The following ACOT12 variants were observed in gnomAD, a reference collection of about 807,000 sequenced individuals.
ACOT12 encodes the protein acyl-CoA thioesterase 12.
Under a neutral mutation model 67.7 loss-of-function variants are expected in ACOT12, and 51 were observed. The ratio of observed to expected loss-of-function variants is 0.75; its 90% CI spans 0.60 to 0.95. The LOEUF (loss-of-function observed/expected upper bound fraction) is 0.95, where lower values mean the gene tolerates loss of function less well. Among genes scored for constraint, ACOT12 ranks in the 40% least tolerant of loss-of-function variants. The pLI, the probability that ACOT12 is intolerant of heterozygous loss-of-function variation, is 0.00. For synonymous variants in ACOT12, 251 were observed against 244.6 expected, an observed-to-expected ratio of 1.03 and a Z score of -0.24; for missense variants, 734 against 708.1, an observed-to-expected ratio of 1.04 and a Z score of -0.41.
the ACOT12 span, among the ~76,000 whole-genome samples, chr5:81,319,571 G>A: frequency 6.6e-6 from 1 of 152,130 alleles, no homozygotes; most frequent in Non-Finnish European, 1.5e-5. Context: ...TACAAAATTA[G>A]CTGGGCGTTG....
At chr5:81,393,928 G>C in intron 1 of ACOT12, 60 bp downstream of exon 1, 2 of 1,272,638 alleles carry the variant, frequency 1.6e-6, no homozygotes, top group Non-Finnish European at 2.0e-6. Context: ...CCAGCCCCCA[G>C]CCGCCGCCGC....
At chr5:81,353,958 C>A (rs981502643) in intron 5 of ACOT12, among the ~76,000 whole-genome samples, 7 of 152,202 alleles carry the variant, frequency 4.6e-5, no homozygotes, top group African/African-American at 1.4e-4. Context: ...TCCATCTGAT[C>A]TAAGGAGCAG....
intron 2 of ACOT12, among the ~76,000 whole-genome samples, chr5:81,379,757 A>G (rs1459966857): frequency 6.6e-6 from 1 of 152,182 alleles, no homozygotes; most frequent in Non-Finnish European, 1.5e-5. Context: ...GTTCAGATAT[A>G]CATATCTCAC....
At chr5:81,367,031 T>C (rs1412875219) in intron 3 of ACOT12, among the ~76,000 whole-genome samples, 2 of 152,144 alleles carry the variant, frequency 1.3e-5, no homozygotes, top group African/African-American at 4.8e-5. Flanking sequence ...AATCCATAGA[T>C]CCAGTAGCTC....
chr5:81,356,129 A>G (rs1759705490), intron 5 of ACOT12, among the ~76,000 whole-genome samples: 1 of 152,098 alleles, frequency 6.6e-6, no homozygotes, highest in Non-Finnish European at 1.5e-5. Flanking sequence ...TGTATATGAC[A>G]TAAAGGTTAT....
rs977828816 is a variant in ACOT12, at chr5:81,343,197, C to CA, written c.1045-443dup. Among the ~76,000 whole-genome samples the CA allele has an allele frequency of 6.6e-3, 928 of 140,560 alleles. 7 individuals carry two copies. The highest frequency in any genetic ancestry group is 0.022 in the African/African-American group (826 of 38,398). The allele number at this position is 140,560 out of a possible 152,430, so 92.2% of individuals were successfully genotyped here. On this transcript the variant is annotated intron_variant, in intron 10 of 14. Transcript: ENST00000307624. ...GTGAGACTCTGTCTCAAAAAAATACCAAAAAAAAACCCAACAAAAACAAAA... is the reference window on the plus strand; with the variant it reads ...GTGAGACTCTGTCTCAAAAAAATACCAAAAAAAAAACCCAACAAAAACAAAA...
At chr5:81,342,346 T>C (rs1759222957) in intron 11 of ACOT12, among the ~76,000 whole-genome samples, 1 of 152,112 alleles carries the variant, frequency 6.6e-6, no homozygotes, top group South Asian at 2.1e-4. Flanking sequence ...AGTCCTTAAG[T>C]CAAGTGTGGC....
chr5:81,308,888 T>A, the ACOT12 span: 2 of 1,483,120 alleles, frequency 1.3e-6, no homozygotes, highest in African/African-American at 1.4e-5. Flanking sequence ...AAAATAATGT[T>A]AATTTTATGA....
intron 11 of ACOT12, among the ~76,000 whole-genome samples, chr5:81,341,191 TA>T (rs957911893): frequency 1.2e-4 from 18 of 152,224 alleles, no homozygotes; most frequent in African/African-American, 4.3e-4. Flanking sequence ...TTATGAAAGA[TA>T]AACAAATGCA....
chr5:81,350,730 A>G (rs1362360206), intron 5 of ACOT12, among the ~76,000 whole-genome samples: 2 of 152,204 alleles, frequency 1.3e-5, no homozygotes, highest in African/African-American at 4.8e-5. Context: ...CCAAATCTTC[A>G]TGAGGATGCA....
rs1758998587 is a variant in ACOT12 at position 81,336,236 on chromosome 5, A to G, written c.1129-335T>C. Among the ~76,000 whole-genome samples the G allele has an allele frequency of 2.0e-5, 3 of 152,090 alleles. No homozygotes were observed. In the South Asian group the frequency reaches 6.2e-4, roughly 32 times the overall value. ...TGATGTTTCCCTGCCTCTACTGAGG[A>G]AAAAAAGAAAATATCACCAGACTGC... is the stretch of plus-strand genomic sequence containing the variant. On this transcript the variant is annotated intron_variant, in intron 11 of 14. Coordinates refer to ENST00000307624, the MANE Select transcript of ACOT12 (RefSeq NM_130767.3).
chr5:81,393,894 A>T (rs1760930173), intron 1 of ACOT12, 94 bp downstream of exon 1: 1 of 1,226,570 alleles, frequency 8.2e-7, no homozygotes, highest in African/African-American at 1.7e-5. Context: ...CTCCGCAAGT[A>T]CCTTCCTCGC....
chr5:81,316,006 C>T, the ACOT12 span, among the ~76,000 whole-genome samples: 18 of 152,178 alleles, frequency 1.2e-4, no homozygotes, highest in East Asian at 3.3e-3. Flanking sequence ...ACTGATATAC[C>T]CCAAATGCCT....
intron 2 of ACOT12, among the ~76,000 whole-genome samples, chr5:81,377,407 G>A (rs1275347657): frequency 1.3e-5 from 2 of 152,160 alleles, no homozygotes; most frequent in Admixed American, 6.5e-5. Context: ...AAAGCTGGAA[G>A]CATTCCCTTT....
chr5:81,354,982 G>A (rs982036194), intron 5 of ACOT12, among the ~76,000 whole-genome samples: 2 of 152,128 alleles, frequency 1.3e-5, no homozygotes, highest in Non-Finnish European at 2.9e-5. Flanking sequence ...ATAAGCCACC[G>A]CCAGGCCTCA....
intron 1 of ACOT12, among the ~76,000 whole-genome samples, chr5:81,390,187 C>T (rs1472758041): frequency 6.6e-6 from 1 of 151,162 alleles, no homozygotes; most frequent in Non-Finnish European, 1.5e-5. Context: ...GTCTCAAGTT[C>T]CTGGGCTCAA....
chr5:81,359,113 CTCT>C (rs1226909762), intron 5 of ACOT12, among the ~76,000 whole-genome samples: 2 of 152,128 alleles, frequency 1.3e-5, no homozygotes, highest in Non-Finnish European at 2.9e-5. Context: ...CCTTTCCTTC[CTCT>C]TCTTCCGGTG....
intron 3 of ACOT12, among the ~76,000 whole-genome samples, chr5:81,366,985 A>G (rs1034694820): frequency 2.6e-5 from 4 of 152,200 alleles, no homozygotes; most frequent in African/African-American, 9.6e-5. Flanking sequence ...TTGAAGATAT[A>G]ATAGCTGAAA....
rs1278711664 is a variant in ACOT12 at position 81,364,876 on chromosome 5, GT to G, written c.259-988del. On this transcript the variant is annotated intron_variant, in intron 3 of 14. Coordinates refer to ENST00000307624, the MANE Select transcript of ACOT12 (RefSeq NM_130767.3). ...ACTTTTTTTAGCCTTTACTCTCAGA[GT>G]TTTTTTTCCTTTTTTTAAATGTCTC... 4.6e-5 allele frequency among the ~76,000 whole-genome samples: 7 copies of G among 151,928 alleles called. No individual in the cohort carries two copies. The South Asian group carries it at 1.0e-3, about 23-fold the overall frequency.
Sources: gnomAD v4.1 joint callset for allele counts (sites outside exome capture counted in the v4.1 genomes callset) on GRCh38, gnomAD v4.1.1 for gene constraint, MANE v1.5 for transcripts, NCBI Gene and HGNC (gene_info 2026-07-23, HGNC 2026-07-21) for gene names.